Variants in FBRSL1 observed in about 807,000 individuals in gnomAD.
The protein encoded by FBRSL1 is fibrosin like 1.
Under a neutral mutation model 89.6 loss-of-function variants are expected in FBRSL1, and 51 were observed. That is an observed-to-expected ratio of 0.57 (90% confidence interval 0.45 to 0.72). The LOEUF (loss-of-function observed/expected upper bound fraction) is 0.72, where lower values mean the gene tolerates loss of function less well. Ranked by LOEUF, FBRSL1 falls within the 30% of genes least tolerant of loss-of-function variation. FBRSL1 has a pLI of 0.00. For missense variants in FBRSL1, 1,618 were observed against 1,451.8 expected (o/e 1.11, Z -1.86); for synonymous variants, 779 against 681.1 (o/e 1.14, Z -2.24).
intron 5 of FBRSL1, among the ~76,000 whole-genome samples, chr12:132,560,827 C>T (rs545009188): frequency 7.2e-5 from 11 of 152,340 alleles, no homozygotes; most frequent in African/African-American, 2.4e-4. Context: ...CCCACGCGGG[C>T]TAGGAGGCAG....
At position 132,584,000 on chromosome 12, in the gene FBRSL1, T is replaced by G. The variant is rs1357760394; in HGVS notation, c.*222T>G. 3.9e-6 allele frequency: 1 copy of G among 256,124 alleles called. No individual in the cohort carries two copies. The highest frequency in any genetic ancestry group is 7.4e-6 in the Non-Finnish European group (1 of 134,646). 15.9% of individuals were successfully genotyped at this position (256,124 alleles called of 1,614,324 possible). ...GGAAAAAAAAATCGCGTTTGTACCT[T>G]TTCCCCCCACAGATGAGAAGTGTTT... On this transcript the variant is annotated 3_prime_UTR_variant, in exon 19 of 19. Coordinates refer to ENST00000680143, the MANE Select transcript of FBRSL1 (RefSeq NM_001367871.1).
At chr12:132,525,024 G>A (rs925430737) in intron 2 of FBRSL1, among the ~76,000 whole-genome samples, 3 of 152,102 alleles carry the variant, frequency 2.0e-5, no homozygotes, top group African/African-American at 7.2e-5. Flanking sequence ...GGCACGCATC[G>A]GCGCCCATGT....
At position 132,508,287 on chromosome 12, in the gene FBRSL1, C is replaced by G. The variant is rs772922636; in HGVS notation, c.426C>G (p.Pro142=). The G allele has an allele frequency of 5.2e-6, 8 of 1,549,930 alleles. No homozygotes were observed. Among genetic ancestry groups the G allele is most frequent in the Non-Finnish European group, 7.0e-6 (8 of 1,146,690 alleles). The change falls in exon 2 of 19, where the codon CCC becomes CCG. Residue 142 remains proline (P), a synonymous_variant. Coordinates refer to ENST00000680143, the MANE Select transcript of FBRSL1 (RefSeq NM_001367871.1). ...GGCGGCCCCTGGAGGCAGGCAGCCCCGGGCAGGACCTCGAACCCGCCTGCG... is the reference window on the plus strand; with the variant it reads ...GGCGGCCCCTGGAGGCAGGCAGCCCGGGGCAGGACCTCGAACCCGCCTGCG... ...ENRRPLEAGS[P]GQDLEPACDG...
intron 2 of FBRSL1, among the ~76,000 whole-genome samples, chr12:132,521,763 G>A (rs776052875): frequency 3.3e-5 from 5 of 152,212 alleles, no homozygotes; most frequent in Admixed American, 6.5e-5. Flanking sequence ...CCACCGTGCC[G>A]TATGTAGTGC....
At chr12:132,500,577 C>T (rs910091115) in intron 1 of FBRSL1, among the ~76,000 whole-genome samples, 4 of 152,142 alleles carry the variant, frequency 2.6e-5, no homozygotes, top group African/African-American at 4.8e-5. Context: ...CCTGGCCCCT[C>T]CACCCACCCA....
At chr12:132,582,292 CCCA>C (rs2040814529) in intron 18 of FBRSL1, 26 bp downstream of exon 18, 2 of 1,539,580 alleles carry the variant, frequency 1.3e-6, no homozygotes. Context: ...GTTCCGTATC[CCCA>C]CCACACACCC....
intron 8 of FBRSL1, 33 bp downstream of exon 8, chr12:132,570,573 AG>A (rs1566227289): frequency 6.8e-7 from 1 of 1,465,080 alleles, no homozygotes; most frequent in Admixed American, 2.3e-5. Context: ...CGCCCAGGGC[AG>A]GGGTTGGGGG....
chr12:132,516,712 A>G (rs2034877342), intron 2 of FBRSL1, among the ~76,000 whole-genome samples: 1 of 152,208 alleles, frequency 6.6e-6, no homozygotes, highest in African/African-American at 2.4e-5. Flanking sequence ...TGCTGAAGAA[A>G]AAAAGCCGCC....
intron 11 of FBRSL1, 35 bp downstream of exon 11, chr12:132,572,657 C>G: frequency 6.9e-7 from 1 of 1,454,428 alleles, no homozygotes; most frequent in Non-Finnish European, 9.4e-7. Context: ...GCGGGCACAG[C>G]GGGTGGGTGG....
chr12:132,520,561 G>A (rs1010300760), intron 2 of FBRSL1, among the ~76,000 whole-genome samples: 4 of 152,202 alleles, frequency 2.6e-5, no homozygotes, highest in Non-Finnish European at 5.9e-5. Flanking sequence ...CTGGTGTCAC[G>A]TGCTGTGGGT....
chr12:132,548,843 G>A (rs921585701), intron 5 of FBRSL1, among the ~76,000 whole-genome samples: 11 of 152,224 alleles, frequency 7.2e-5, no homozygotes, highest in East Asian at 1.9e-4. Context: ...CCTCAGGGAC[G>A]GCCCTGCAGA....
intron 11 of FBRSL1, among the ~76,000 whole-genome samples, chr12:132,573,200 C>T (rs1292267111): frequency 6.6e-6 from 1 of 152,208 alleles, no homozygotes; most frequent in African/African-American, 2.4e-5. Flanking sequence ...CCTGAAGCCG[C>T]CTCACCTGTG....
At chr12:132,570,581 G>GC (rs1332984012) in intron 8 of FBRSL1, 41 bp downstream of exon 8, 3 of 1,437,786 alleles carry the variant, frequency 2.1e-6, no homozygotes, top group Non-Finnish European at 2.7e-6. Context: ...GCAGGGGTTG[G>GC]GGGGTGCGGG....
intron 4 of FBRSL1, among the ~76,000 whole-genome samples, chr12:132,534,686 T>C (rs952083918): frequency 1.3e-5 from 2 of 152,228 alleles, no homozygotes; most frequent in African/African-American, 4.8e-5. Context: ...GGATGGTGGC[T>C]GGGCTGGGTG....
At chr12:132,547,850 C>T (rs990209233) in intron 4 of FBRSL1, among the ~76,000 whole-genome samples, 153 bp from the exon 5 acceptor site, 7 of 152,164 alleles carry the variant, frequency 4.6e-5, no homozygotes, top group Admixed American at 6.5e-5. Context: ...TCCTCCTAAC[C>T]GCCCCGACCA....
At chr12:132,581,168 C>T (rs1021031322) in intron 15 of FBRSL1, 8 of 984,202 alleles carry the variant, frequency 8.1e-6, no homozygotes, top group East Asian at 2.3e-4. Context: ...CCCTTTGCTC[C>T]GAGGGTTGCA....
intron 4 of FBRSL1, among the ~76,000 whole-genome samples, chr12:132,528,439 C>T (rs534438173): frequency 3.3e-5 from 5 of 152,152 alleles, no homozygotes; most frequent in East Asian, 1.9e-4. Context: ...ATGCCCTGAC[C>T]GGCACCTGCC....
chr12:132,558,198 G>T (rs1452515147), intron 5 of FBRSL1, among the ~76,000 whole-genome samples: 1 of 152,160 alleles, frequency 6.6e-6, no homozygotes, highest in Non-Finnish European at 1.5e-5. Context: ...ATCCCTGAGG[G>T]CTCCACGCAT....
intron 14 of FBRSL1, among the ~76,000 whole-genome samples, chr12:132,574,991 C>G (rs995560963): frequency 6.6e-6 from 1 of 151,866 alleles, no homozygotes; most frequent in Non-Finnish European, 1.5e-5. Flanking sequence ...CCTGGGAAGG[C>G]TGAGGAAGGC....
Sources: allele counts gnomAD v4.1 joint callset (sites outside exome capture counted in the v4.1 genomes callset), GRCh38; gene constraint gnomAD v4.1.1; transcripts MANE v1.5; gene names NCBI Gene and HGNC (gene_info 2026-07-23, HGNC 2026-07-21).